CNGB3: variants seen among roughly 807,000 people sequenced by gnomAD.
CNGB3 encodes the protein cyclic nucleotide gated channel subunit beta 3, also known as cyclic nucleotide-gated channel beta-3.
In CNGB3, 86 loss-of-function variants were observed where a neutral mutation model predicts 92.8. The ratio of observed to expected loss-of-function variants is 0.93; its 90% CI spans 0.78 to 1.11. The LOEUF (loss-of-function observed/expected upper bound fraction) is 1.11, where lower values mean the gene tolerates loss of function less well. Among genes scored for constraint, CNGB3 ranks in the 50% least tolerant of loss-of-function variants. CNGB3 has a pLI of 0.00. For synonymous variants in CNGB3, 333 were observed against 332.7 expected (o/e 1.00, Z -0.01); for missense variants, 1,026 against 956.8 (o/e 1.07, Z -0.95).
At chr8:86,630,252 C>T (rs1822934458) in intron 11 of CNGB3, among the ~76,000 whole-genome samples, 2 of 152,088 alleles carry the variant, frequency 1.3e-5, no homozygotes, top group Admixed American at 1.3e-4. Flanking sequence ...TGGCTGATAA[C>T]TTACATTACC....
chr8:86,735,968 C>T (rs1455682690), intron 2 of CNGB3, among the ~76,000 whole-genome samples: 4 of 151,798 alleles, frequency 2.6e-5, no homozygotes, highest in Non-Finnish European at 4.4e-5. Context: ...TCTACTGGTA[C>T]CAAGACATTT....
intron 3 of CNGB3, among the ~76,000 whole-genome samples, chr8:86,678,766 T>A (rs1477879634): frequency 1.3e-5 from 2 of 152,052 alleles, no homozygotes; most frequent in Non-Finnish European, 2.9e-5. Flanking sequence ...ACAAAAAAAA[T>A]TTCATAGATT....
intron 2 of CNGB3, among the ~76,000 whole-genome samples, chr8:86,738,683 C>CA (rs35300624): frequency 0.58 from 87,594 of 151,490 alleles, 25,579 homozygotes; most frequent in South Asian, 0.75. Flanking sequence ...ACTAAAAATA[C>CA]AAAAAATTAG....
chr8:86,652,497 T>C (rs895298922), intron 7 of CNGB3, among the ~76,000 whole-genome samples: 1 of 152,062 alleles, frequency 6.6e-6, no homozygotes, highest in Non-Finnish European at 1.5e-5. Context: ...TAATAACACT[T>C]AGCTTAAAAC....
At chr8:86,726,488 G>A in intron 3 of CNGB3, 43 bp downstream of exon 3, 3 of 1,612,332 alleles carry the variant, frequency 1.9e-6, no homozygotes, top group East Asian at 2.2e-5. Flanking sequence ...GGCAGGCTGA[G>A]CAATATCTCT....
At position 86,739,708 on chromosome 8, in the gene CNGB3, A is replaced by G; in HGVS notation, c.158T>C (p.Leu53Pro). The G allele has an allele frequency of 6.2e-7, 1 of 1,605,080 alleles. No homozygotes were observed. The highest frequency in any genetic ancestry group is 8.5e-7 in the Non-Finnish European group (1 of 1,177,642). The change falls in exon 2 of 18, where the codon CTC becomes CCC. Residue 53 changes from leucine (L) to proline (P), a missense_variant. Physicochemically the swap from Leu to Pro is moderately conservative, Grantham distance 98 (BLOSUM62 -3). Transcript: ENST00000320005. ...QEENKGEEKS[L>P]KTKSTPVTSE... ...CGTGACTGGAGTTGACTTGGTTTTG[A>G]GAGATTTCTCTTCACCTTTGTTTTC... is the stretch of plus-strand genomic sequence containing the variant.
chr8:86,622,057 A>G (rs80021438), intron 13 of CNGB3, among the ~76,000 whole-genome samples: 2,654 of 152,310 alleles, frequency 0.017, 76 homozygotes, highest in African/African-American at 0.061. Flanking sequence ...GAAACAAAAA[A>G]CAACAAAAAA....
At chr8:86,660,771 G>T in intron 6 of CNGB3, 1 of 521,112 alleles carries the variant, frequency 1.9e-6, no homozygotes, top group Non-Finnish European at 4.0e-6. Flanking sequence ...CAAACAAATG[G>T]AGGATAAAAT....
chr8:86,718,157 A>G (rs1485731812), intron 3 of CNGB3, among the ~76,000 whole-genome samples: 2 of 152,100 alleles, frequency 1.3e-5, no homozygotes, highest in African/African-American at 4.8e-5. Context: ...AAAAGAAATA[A>G]CCAAGATCAG....
At chr8:86,613,604 G>A (rs935719927) in intron 13 of CNGB3, among the ~76,000 whole-genome samples, 3 of 152,000 alleles carry the variant, frequency 2.0e-5, no homozygotes, top group Non-Finnish European at 4.4e-5. Flanking sequence ...TCATGTCCAT[G>A]GAGAAGATTT....
rs1025984964 is a variant in CNGB3 at position 86,579,324 on chromosome 8, G to A, written c.1782-72C>T. Reference sequence around the variant, plus strand: ...CCACTGAAATCTCTTTAAAAAAATAGCAACTATTATAAGTATTTATACTGC... The same window carrying A: ...CCACTGAAATCTCTTTAAAAAAATAACAACTATTATAAGTATTTATACTGC... On this transcript the variant is annotated intron_variant, in intron 15 of 17. Transcript: ENST00000320005. 3.9e-6 allele frequency: 6 copies of A among 1,534,386 alleles called. No individual in the cohort carries two copies. The African/African-American group carries it at 6.8e-5, about 17-fold the overall frequency.
At chr8:86,576,872 GT>G (rs1230323417) in intron 17 of CNGB3, among the ~76,000 whole-genome samples, 1 of 152,130 alleles carries the variant, frequency 6.6e-6, no homozygotes, top group Admixed American at 6.5e-5. Flanking sequence ...GAAGCATTTG[GT>G]TTATACTGGA....
intron 3 of CNGB3, among the ~76,000 whole-genome samples, chr8:86,699,089 A>G (rs954672600): frequency 6.6e-6 from 1 of 152,154 alleles, no homozygotes; most frequent in Non-Finnish European, 1.5e-5. Flanking sequence ...ATGATGGAGG[A>G]AGTGATCATT....
chr8:86,718,023 A>C (rs1563765171), intron 3 of CNGB3, among the ~76,000 whole-genome samples: 1 of 152,206 alleles, frequency 6.6e-6, no homozygotes, highest in Admixed American at 6.5e-5. Context: ...TGGTGCGAAG[A>C]GCAACATTCA....
chr8:86,715,533 A>C (rs1283822855), intron 3 of CNGB3, among the ~76,000 whole-genome samples: 21 of 152,054 alleles, frequency 1.4e-4, no homozygotes. Context: ...ATGGTACAAA[A>C]GAATCTGAAC....
rs1236722367 is a variant in CNGB3, at chr8:86,577,179, T to C, written c.2104-1049A>G. On this transcript the variant is annotated intron_variant, in intron 17 of 17. Coordinates refer to ENST00000320005, the MANE Select transcript of CNGB3 (RefSeq NM_019098.5). ...ATAACATTTGAGTTTCTTTACATTT[T>C]TAGGAATTGAAAGGCAGCTTAGTGT... 2.0e-5 allele frequency among the ~76,000 whole-genome samples: 3 copies of C among 152,164 alleles called. 1 individual carries two copies. Among genetic ancestry groups the C allele is most frequent in the Non-Finnish European group, 4.4e-5 (3 of 68,028 alleles).
At chr8:86,657,650 C>G in intron 6 of CNGB3, 1 of 419,602 alleles carries the variant, frequency 2.4e-6, no homozygotes, top group Middle Eastern at 8.4e-4. Flanking sequence ...CTGGAGCGGG[C>G]TAATCAACAG....
intron 6 of CNGB3, chr8:86,659,226 C>T (rs1823581758): frequency 1.4e-6 from 1 of 739,802 alleles, no homozygotes; most frequent in Non-Finnish European, 2.5e-6. Context: ...GGCCCTCCCT[C>T]CTTTCAGATT....
intron 3 of CNGB3, among the ~76,000 whole-genome samples, chr8:86,714,998 G>A (rs1824823589): frequency 6.6e-6 from 1 of 151,958 alleles, no homozygotes; most frequent in Non-Finnish European, 1.5e-5. Flanking sequence ...CCCCATCAGA[G>A]GTGAGTCTGA....
Sources: gnomAD v4.1 joint callset for allele counts (sites outside exome capture counted in the v4.1 genomes callset) on GRCh38, gnomAD v4.1.1 for gene constraint, MANE v1.5 for transcripts, NCBI Gene and HGNC (gene_info 2026-07-23, HGNC 2026-07-21) for gene names.